Variants in GPHN observed in about 807,000 individuals in gnomAD.
GPHN encodes the protein gephyrin.
A neutral mutation model predicts 95.5 loss-of-function variants in GPHN; 17 were observed. The ratio of observed to expected loss-of-function variants is 0.18; its 90% confidence interval spans 0.12 to 0.27. The LOEUF (loss-of-function observed/expected upper bound fraction) is 0.27, where lower values mean the gene tolerates loss of function less well. Among genes scored for constraint, GPHN ranks in the 10% least tolerant of loss-of-function variants. GPHN has a pLI of 1.00. For missense variants in GPHN, 660 were observed against 978.1 expected (o/e 0.67, Z 4.34); for synonymous variants, 320 against 322.5 (o/e 0.99, Z 0.08).
intron 21 of GPHN, among the ~76,000 whole-genome samples, chr14:67,169,939 G>A (rs766955710): frequency 6.6e-6 from 1 of 152,254 alleles, no homozygotes; most frequent in Non-Finnish European, 1.5e-5. Flanking sequence ...TTAGCTGGGC[G>A]TGGTAGTGGG....
chr14:66,761,070 C>T (rs960808406), intron 2 of GPHN: 9 of 442,076 alleles, frequency 2.0e-5, no homozygotes, highest in Non-Finnish European at 2.6e-5. Flanking sequence ...CCTTTGGAGA[C>T]TTGGAACTGC....
the GPHN span, among the ~76,000 whole-genome samples, chr14:67,661,615 C>T: frequency 6.8e-6 from 1 of 147,056 alleles, no homozygotes; most frequent in Non-Finnish European, 1.5e-5. Flanking sequence ...TAACCACATG[C>T]TTGACCTCCC....
chr14:66,518,221 A>G (rs2058332225), intron 1 of GPHN, among the ~76,000 whole-genome samples: 1 of 152,108 alleles, frequency 6.6e-6, no homozygotes, highest in African/African-American at 2.4e-5. Flanking sequence ...AAATGGCCAA[A>G]AAATACATTA....
At chr14:67,427,167 G>A in the GPHN span, among the ~76,000 whole-genome samples, 1 of 152,140 alleles carries the variant, frequency 6.6e-6, no homozygotes, top group Non-Finnish European at 1.5e-5. Flanking sequence ...GGGGATGTGG[G>A]TGGCGTACTC....
rs1177817698 is a variant in GPHN, at chr14:67,002,309, C to CTTTT, written c.964-21303_964-21300dup. On this transcript the variant is annotated intron_variant, in intron 9 of 22. Coordinates refer to ENST00000478722, the MANE Select transcript of GPHN (RefSeq NM_020806.5). ...TCATGTTTGGAAATTCTTTGTGTTG[C>CTTTT]TTTTTTTTTTTTTTTTTTTTTTTTG... Among the ~76,000 whole-genome samples, 28 of 58,746 alleles carry CTTTT rather than the reference C, an allele frequency of 4.8e-4. 1 individual carries two copies. Among genetic ancestry groups the CTTTT allele is most frequent in the Non-Finnish European group, 5.7e-4 (18 of 31,848 alleles). 38.5% of individuals were successfully genotyped at this position (58,746 alleles called of 152,430 possible).
chr14:67,523,420 A>G, the GPHN span, among the ~76,000 whole-genome samples: 1 of 152,234 alleles, frequency 6.6e-6, no homozygotes, highest in Admixed American at 6.5e-5. Context: ...CAATTCAACA[A>G]CCATTAATGT....
At chr14:66,974,350 T>C (rs2153594136) in intron 9 of GPHN, among the ~76,000 whole-genome samples, 1 of 152,268 alleles carries the variant, frequency 6.6e-6, no homozygotes, top group Non-Finnish European at 1.5e-5. Context: ...TCTTTTTTCG[T>C]TCATGCAAGT....
chr14:67,481,537 G>A, the GPHN span, among the ~76,000 whole-genome samples: 1 of 152,204 alleles, frequency 6.6e-6, no homozygotes, highest in Non-Finnish European at 1.5e-5. Context: ...AGGAATAGGA[G>A]ACAGTGTCAT....
chr14:66,940,609 A>G (rs1245559304), intron 8 of GPHN, among the ~76,000 whole-genome samples: 2 of 152,202 alleles, frequency 1.3e-5, no homozygotes, highest in Non-Finnish European at 2.9e-5. Flanking sequence ...TATGCGATGG[A>G]TACTAGCATA....
chr14:66,693,466 A>G (rs1405251938), intron 2 of GPHN, among the ~76,000 whole-genome samples: 1 of 152,218 alleles, frequency 6.6e-6, no homozygotes, highest in African/African-American at 2.4e-5. Flanking sequence ...ATATATACAT[A>G]CGGGATTTAT....
the GPHN span, among the ~76,000 whole-genome samples, chr14:67,438,414 G>C: frequency 6.6e-6 from 1 of 152,292 alleles, no homozygotes; most frequent in East Asian, 1.9e-4. Context: ...CTTTCTTTAT[G>C]GGGTTAGAGG....
chr14:66,861,378 G>GAT (rs2063018701), intron 4 of GPHN, among the ~76,000 whole-genome samples: 2 of 152,000 alleles, frequency 1.3e-5, no homozygotes. Context: ...GAGAGAGATA[G>GAT]ATTCCAATAC....
At chr14:66,837,723 C>T (rs1037360188) in intron 4 of GPHN, among the ~76,000 whole-genome samples, 32 of 151,488 alleles carry the variant, frequency 2.1e-4, no homozygotes, top group African/African-American at 6.3e-4. Context: ...GTACATTGTT[C>T]CTTGAGGTCA....
intron 1 of GPHN, among the ~76,000 whole-genome samples, chr14:66,551,490 C>T (rs1050334799): frequency 3.9e-5 from 6 of 152,156 alleles, no homozygotes; most frequent in Non-Finnish European, 5.9e-5. Flanking sequence ...ATACTGCCTC[C>T]TATATCTAAG....
At chr14:66,715,995 T>G (rs924376738) in intron 2 of GPHN, among the ~76,000 whole-genome samples, 1 of 152,104 alleles carries the variant, frequency 6.6e-6, no homozygotes. Context: ...TCTATATATA[T>G]ATAGATATAT....
chr14:67,527,381 T>C, the GPHN span, among the ~76,000 whole-genome samples: 4 of 152,116 alleles, frequency 2.6e-5, no homozygotes. Flanking sequence ...GAGGTTGCAG[T>C]GAGCCGATAT....
At chr14:67,686,530 T>C in the GPHN span, among the ~76,000 whole-genome samples, 2 of 151,816 alleles carry the variant, frequency 1.3e-5, no homozygotes, top group Non-Finnish European at 2.9e-5. Flanking sequence ...TCCCAGCTAC[T>C]TGGGAGGCTG....
chr14:66,900,136 T>C (rs1051794738), intron 5 of GPHN, among the ~76,000 whole-genome samples: 22 of 151,678 alleles, frequency 1.5e-4, no homozygotes, highest in African/African-American at 4.8e-4. Flanking sequence ...GTAATTTCCA[T>C]CTTTTTTTCA....
the GPHN span, among the ~76,000 whole-genome samples, chr14:67,445,625 C>T: frequency 1.0e-5 from 1 of 100,296 alleles, no homozygotes; most frequent in Admixed American, 1.1e-4. Context: ...TGCTCTGTCA[C>T]CCAGGCTGGA....
Sources: gnomAD v4.1 joint callset for allele counts (sites outside exome capture counted in the v4.1 genomes callset) on GRCh38, gnomAD v4.1.1 for gene constraint, MANE v1.5 for transcripts, NCBI Gene and HGNC (gene_info 2026-07-23, HGNC 2026-07-21) for gene names.